SEC24D: variants seen among roughly 807,000 people sequenced by gnomAD.
SEC24D encodes SEC24 homolog D, COPII component.
In SEC24D, 69 loss-of-function variants were observed where a neutral mutation model predicts 116.9. The ratio of observed to expected loss-of-function variants is 0.59; its 90% CI spans 0.49 to 0.72. The LOEUF (loss-of-function observed/expected upper bound fraction) is 0.72, where lower values mean the gene tolerates loss of function less well. Among genes scored for constraint, SEC24D ranks in the 30% least tolerant of loss-of-function variants. SEC24D has a pLI of 0.00. For missense variants in SEC24D, 1,131 were observed against 1,264.1 expected (o/e 0.89, Z 1.60); for synonymous variants, 405 against 442.8 (o/e 0.91, Z 1.07).
intron 7 of SEC24D, among the ~76,000 whole-genome samples, chr4:118,804,672 T>C (rs985636094): frequency 1.3e-5 from 2 of 152,026 alleles, no homozygotes; most frequent in Non-Finnish European, 2.9e-5. Context: ...TCTAACTAGT[T>C]GGAATGAGTT....
intron 20 of SEC24D, among the ~76,000 whole-genome samples, chr4:118,732,114 G>C (rs957247263): frequency 2.6e-5 from 4 of 152,018 alleles, no homozygotes; most frequent in Non-Finnish European, 5.9e-5. Context: ...AGTGTTTTGA[G>C]CAAAGAAGTA....
chr4:118,771,042 G>A (rs1727877084), intron 8 of SEC24D, among the ~76,000 whole-genome samples: 1 of 152,040 alleles, frequency 6.6e-6, no homozygotes, highest in Non-Finnish European at 1.5e-5. Flanking sequence ...TCTCTCTCAG[G>A]CCATGTTGAA....
Position 118,735,430 on chromosome 4 carries a change from T to A in SEC24D, c.2497-2518A>T, listed in dbSNP as rs116568363. Among the ~76,000 whole-genome samples, 726 of 152,284 alleles carry A rather than the reference T, an allele frequency of 4.8e-3. 5 individuals carry two copies. The highest frequency in any genetic ancestry group is 0.017 in the African/African-American group (698 of 41,562). On this transcript the variant is annotated intron_variant, in intron 19 of 22. Transcript: ENST00000280551. ...ATGAGAGTGAGGTGGGAGCAGTAAT[T>A]CATATAAGTCGAGCTTGCTTGAATT...
At chr4:118,821,827 G>A (rs1365609349) in intron 3 of SEC24D, among the ~76,000 whole-genome samples, 1 of 152,220 alleles carries the variant, frequency 6.6e-6, no homozygotes, top group Non-Finnish European at 1.5e-5. Context: ...CATGTCCCAT[G>A]AGGGCAAGGC....
At chr4:118,782,567 T>G (rs999795307) in intron 8 of SEC24D, among the ~76,000 whole-genome samples, 1 of 152,204 alleles carries the variant, frequency 6.6e-6, no homozygotes, top group Non-Finnish European at 1.5e-5. Context: ...GGGACCCACA[T>G]GAGGAGGCAG....
intron 8 of SEC24D, among the ~76,000 whole-genome samples, chr4:118,792,265 G>C (rs908987338): frequency 5.3e-5 from 8 of 149,988 alleles, no homozygotes; most frequent in Non-Finnish European, 1.0e-4. Context: ...GCCCCGTCCG[G>C]GAGGTGGGGG....
intron 9 of SEC24D, 96 bp downstream of exon 9, chr4:118,768,077 G>A (rs985444669): frequency 1.4e-5 from 15 of 1,039,254 alleles, no homozygotes; most frequent in African/African-American, 1.3e-4. Context: ...CTGCTATATA[G>A]CAGAAAAAAG....
intron 4 of SEC24D, among the ~76,000 whole-genome samples, chr4:118,816,154 C>A (rs1326302174): frequency 6.8e-6 from 1 of 146,152 alleles, no homozygotes; most frequent in Admixed American, 7.0e-5. Context: ...GTCTCAAACT[C>A]CTGGGCTCAA....
intron 8 of SEC24D, among the ~76,000 whole-genome samples, chr4:118,780,917 T>A (rs1479764470): frequency 2.2e-5 from 3 of 137,742 alleles, no homozygotes; most frequent in Non-Finnish European, 3.1e-5. Flanking sequence ...CTTTTTTTTT[T>A]TTTTTTTTTT....
chr4:118,744,508 A>ATAT (rs1246869220), intron 14 of SEC24D, among the ~76,000 whole-genome samples: 3 of 152,244 alleles, frequency 2.0e-5, no homozygotes, highest in African/African-American at 7.2e-5. Context: ...CTATATCCAT[A>ATAT]GCCTTATCCT....
intron 22 of SEC24D, 54 bp downstream of exon 22, chr4:118,728,506 CT>C: frequency 9.1e-7 from 1 of 1,094,874 alleles, no homozygotes. Context: ...CATGTTAAGT[CT>C]TTAATGAAAT....
At chr4:118,736,454 C>CAGAT (rs1428671761) in intron 19 of SEC24D, 1 of 195,144 alleles carries the variant, frequency 5.1e-6, no homozygotes, top group Admixed American at 6.3e-5. Flanking sequence ...TCATACAATC[C>CAGAT]AGATAGCTCC....
intron 21 of SEC24D, chr4:118,729,994 C>CTTACATTTGGTTTTTAACTTTG (rs1195544512): frequency 6.6e-6 from 1 of 152,166 alleles, no homozygotes; most frequent in Non-Finnish European, 1.5e-5. Context: ...AAGAAAGTAG[C>CTTACATTTGGTTTTTAACTTTG]TTACATTTGG....
At chr4:118,784,747 C>CA (rs909062461) in intron 8 of SEC24D, among the ~76,000 whole-genome samples, 6 of 151,594 alleles carry the variant, frequency 4.0e-5, no homozygotes, top group African/African-American at 1.2e-4. Flanking sequence ...CTGCCCCCCC[C>CA]CCCGCCACCA....
chr4:118,795,628 G>A (rs139503194), intron 8 of SEC24D, among the ~76,000 whole-genome samples: 25 of 152,262 alleles, frequency 1.6e-4, no homozygotes, highest in Admixed American at 5.9e-4. Flanking sequence ...TCTTTAAAAC[G>A]TTATGCTGAG....
chr4:118,728,771 T>C, intron 21 of SEC24D, 121 bp from the exon 22 acceptor site: 2 of 573,960 alleles, frequency 3.5e-6, no homozygotes, highest in Non-Finnish European at 5.8e-6. Flanking sequence ...GTGTAGTTCA[T>C]TACCTGAAAA....
intron 10 of SEC24D, among the ~76,000 whole-genome samples, chr4:118,763,137 C>T (rs1399393479): frequency 6.6e-6 from 1 of 152,068 alleles, no homozygotes; most frequent in Non-Finnish European, 1.5e-5. Context: ...CTAAACTGTC[C>T]AAAAGTCACT....
chr4:118,785,100 G>A (rs986150198), intron 8 of SEC24D, among the ~76,000 whole-genome samples: 15 of 152,076 alleles, frequency 9.9e-5, no homozygotes, highest in Admixed American at 2.6e-4. Flanking sequence ...CAAGATCCTC[G>A]CCTTAGTTTG....
At position 118,740,799 on chromosome 4, in the gene SEC24D, G is replaced by A. The variant is rs375854548; in HGVS notation, c.2102C>T (p.Ala701Val). The stretch of plus-strand genomic sequence containing the variant: ...CAAGATTCCACCAAAGAAATCAGTG[G>A]CTCTGAAACCTAAAGATAAGGGAAA... ...MRVRTSTGFRATDFFGGILMN... is the reference protein window; with the variant it reads ...MRVRTSTGFRVTDFFGGILMN... Residue 701 changes from alanine (A) to valine (V), a missense_variant, in exon 17 of 23, where the codon GCC becomes GTC. By Grantham distance (64) the Ala-to-Val change is moderately conservative (BLOSUM62 0). Coordinates refer to ENST00000280551, the MANE Select transcript of SEC24D (RefSeq NM_014822.4). The A allele has an allele frequency of 8.7e-6, 14 of 1,613,620 alleles. No individual in the cohort carries two copies. The highest frequency in any genetic ancestry group is 2.2e-5 in the East Asian group (1 of 44,864).
Sources: allele counts gnomAD v4.1 joint callset (sites outside exome capture counted in the v4.1 genomes callset), GRCh38; gene constraint gnomAD v4.1.1; transcripts MANE v1.5; gene names NCBI Gene and HGNC (gene_info 2026-07-23, HGNC 2026-07-21).